The following ALDH1A1 variants were observed in gnomAD, a reference collection of about 807,000 sequenced individuals.
ALDH1A1 encodes aldehyde dehydrogenase 1A1.
A neutral mutation model predicts 62.1 loss-of-function variants in ALDH1A1; 19 were observed. The ratio of observed to expected loss-of-function variants is 0.31; its 90% CI spans 0.21 to 0.45. ALDH1A1 has a LOEUF of 0.45. Among genes scored for constraint, ALDH1A1 ranks in the 20% least tolerant of loss-of-function variants. ALDH1A1 has a pLI of 1.00. For synonymous variants in ALDH1A1, 231 were observed against 215.9 expected (o/e 1.07, Z -0.61); for missense variants, 521 against 607.1 (o/e 0.86, Z 1.49).
intron 1 of ALDH1A1, among the ~76,000 whole-genome samples, chr9:72,950,827 G>A (rs2118588407): frequency 6.7e-6 from 1 of 149,596 alleles, no homozygotes. Context: ...TACTTGGTTT[G>A]TAACCAGGGA....
At chr9:72,940,104 C>A (rs777722809) in intron 2 of ALDH1A1, 44 bp downstream of exon 2, 42 of 1,486,708 alleles carry the variant, frequency 2.8e-5, no homozygotes, top group Middle Eastern at 1.7e-4. Context: ...TGGCAAAAAA[C>A]CAAGAAACCT....
intron 7 of ALDH1A1, among the ~76,000 whole-genome samples, chr9:72,922,952 A>G (rs1305677722): frequency 6.6e-6 from 1 of 152,242 alleles, no homozygotes; most frequent in African/African-American, 2.4e-5. Flanking sequence ...AAAAAGACCA[A>G]GAAAAATAAA....
At chr9:72,930,583 A>C (rs1830268455) in intron 3 of ALDH1A1, among the ~76,000 whole-genome samples, 1 of 152,130 alleles carries the variant, frequency 6.6e-6, no homozygotes, top group African/African-American at 2.4e-5. Context: ...TCTTATTGAA[A>C]CCTCTGAGAA....
chr9:72,932,476 A>G (rs554415783), intron 2 of ALDH1A1, among the ~76,000 whole-genome samples: 1 of 152,312 alleles, frequency 6.6e-6, no homozygotes, highest in East Asian at 1.9e-4. Context: ...CAAGAGAGAT[A>G]TTTTAGAAGC....
chr9:72,948,873 C>G (rs568865345), intron 1 of ALDH1A1, among the ~76,000 whole-genome samples: 33 of 151,766 alleles, frequency 2.2e-4, no homozygotes, highest in African/African-American at 5.8e-4. Context: ...AAGGGAGAAA[C>G]AAGCAAAGGG....
chr9:72,915,578 T>C (rs909742798), intron 9 of ALDH1A1, among the ~76,000 whole-genome samples: 15 of 152,208 alleles, frequency 9.9e-5, no homozygotes, highest in Non-Finnish European at 1.9e-4. Flanking sequence ...TAAGTACTCA[T>C]TAAACTCAAA....
intron 2 of ALDH1A1, among the ~76,000 whole-genome samples, chr9:72,932,627 T>C (rs1188473808): frequency 6.6e-6 from 1 of 152,234 alleles, no homozygotes; most frequent in Non-Finnish European, 1.5e-5. Flanking sequence ...ATTTATTGCC[T>C]GCCTTTCCTG....
At chr9:72,931,996 A>G (rs1242634029) in intron 2 of ALDH1A1, among the ~76,000 whole-genome samples, 1 of 152,028 alleles carries the variant, frequency 6.6e-6, no homozygotes, top group African/African-American at 2.4e-5. Flanking sequence ...TTCTTTTGCA[A>G]TTCACCTCAG....
At chr9:72,903,715 T>G (rs1829836721) in intron 12 of ALDH1A1, among the ~76,000 whole-genome samples, 1 of 152,042 alleles carries the variant, frequency 6.6e-6, no homozygotes, top group South Asian at 2.1e-4. Flanking sequence ...CTGTTTTCAG[T>G]CCTTCTCTTA....
At position 72,901,004 on chromosome 9, in the gene ALDH1A1, G is replaced by A; in HGVS notation, c.*204C>T. ...TCTTTTTTTATTTAGGATAGGACTT[G>A]GGGGTCACATTTCAGAAGGCAAATA... On this transcript the variant is annotated 3_prime_UTR_variant, in exon 13 of 13. Coordinates refer to ENST00000297785, the MANE Select transcript of ALDH1A1 (RefSeq NM_000689.5). 2.3e-6 allele frequency: 1 copy of A among 443,310 alleles called. No homozygotes were observed. The highest frequency in any genetic ancestry group is 4.0e-6 in the Non-Finnish European group (1 of 247,150). The allele number at this position is 443,310 out of a possible 1,614,324, so 27.5% of individuals were successfully genotyped here. A position where few individuals can be genotyped will look rare whatever the true frequency, so the allele number is the denominator to read the frequency against.
chr9:72,929,093 C>T (rs1830247728), intron 3 of ALDH1A1, 72 bp from the exon 4 acceptor site: 1 of 1,499,160 alleles, frequency 6.7e-7, no homozygotes, highest in Non-Finnish European at 9.0e-7. Context: ...TAAATATTTT[C>T]AGCAATCATG....
intron 2 of ALDH1A1, among the ~76,000 whole-genome samples, chr9:72,936,695 C>A (rs1384323701): frequency 1.3e-5 from 2 of 152,120 alleles, no homozygotes; most frequent in Non-Finnish European, 2.9e-5. Flanking sequence ...CTCCTATAGA[C>A]CTTGCCAGGG....
intron 4 of ALDH1A1, among the ~76,000 whole-genome samples, chr9:72,927,590 A>T (rs1411336754): frequency 2.0e-5 from 3 of 152,190 alleles, no homozygotes; most frequent in Non-Finnish European, 4.4e-5. Flanking sequence ...GAAAGGAAGT[A>T]GGAGGTCTCT....
intron 10 of ALDH1A1, among the ~76,000 whole-genome samples, chr9:72,910,505 A>C (rs1362818958): frequency 6.6e-6 from 1 of 152,184 alleles, no homozygotes; most frequent in African/African-American, 2.4e-5. Context: ...CAATTTGCTT[A>C]TTCTAACGTA....
chr9:72,904,428 G>T (rs1829849153), intron 12 of ALDH1A1, among the ~76,000 whole-genome samples: 1 of 151,958 alleles, frequency 6.6e-6, no homozygotes, highest in Non-Finnish European at 1.5e-5. Context: ...AAATTCACTA[G>T]CCCCTCAACA....
chr9:72,918,713 T>C lies in ALDH1A1; in HGVS notation c.850+7A>G. 2.6e-6 allele frequency: 4 copies of C among 1,564,828 alleles called. No individual in the cohort carries two copies. The highest frequency in any genetic ancestry group is 3.5e-6 in the Non-Finnish European group (4 of 1,150,646). On this transcript the variant is annotated splice_region_variant and intron_variant, in intron 8 of 12. Transcript: ENST00000297785. ...GACGAAAAGTTAACAAAGTGGTTTC[T>C]ACTCACAGTCGGCATCAGCTAACAC...
chr9:72,944,257 C>T lies in ALDH1A1; in HGVS notation c.67-4005G>A, dbSNP rs554688778. ...TAGCCTTGAGACTAATTTCATAATCCTATCATAAGGTCACAGGCTTTTGAA... is the reference window on the plus strand; with the variant it reads ...TAGCCTTGAGACTAATTTCATAATCTTATCATAAGGTCACAGGCTTTTGAA... On this transcript the variant is annotated intron_variant, in intron 1 of 12. Coordinates refer to ENST00000297785, the MANE Select transcript of ALDH1A1 (RefSeq NM_000689.5). Among the ~76,000 whole-genome samples the T allele has an allele frequency of 2.0e-4, 30 of 152,148 alleles. 1 individual carries two copies. The highest frequency in any genetic ancestry group is 7.2e-4 in the African/African-American group (30 of 41,520).
At chr9:72,925,646 A>G in intron 5 of ALDH1A1, 34 bp from the exon 6 acceptor site, 2 of 1,604,260 alleles carry the variant, frequency 1.2e-6, no homozygotes, top group Admixed American at 1.7e-5. Context: ...GATTCTTTGT[A>G]TTGCAAAAGG....
chr9:72,925,316 T>G (rs889321686), intron 6 of ALDH1A1, among the ~76,000 whole-genome samples, 168 bp downstream of exon 6: 2 of 152,064 alleles, frequency 1.3e-5, no homozygotes, highest in African/African-American at 2.4e-5. Context: ...GAGATGAATT[T>G]GGGGTGACTG....
Sources: gnomAD v4.1 joint callset for allele counts (sites outside exome capture counted in the v4.1 genomes callset) on GRCh38, gnomAD v4.1.1 for gene constraint, MANE v1.5 for transcripts, NCBI Gene and HGNC (gene_info 2026-07-23, HGNC 2026-07-21) for gene names.